The following IFT56 variants were observed in gnomAD, a reference collection of about 807,000 sequenced individuals.
The protein encoded by IFT56 is intraflagellar transport protein 56.
the IFT56 span, among the ~76,000 whole-genome samples, chr7:139,171,869 A>G: frequency 4.6e-5 from 7 of 152,234 alleles, no homozygotes; most frequent in Admixed American, 2.6e-4. Context: ...AACATTTTAC[A>G]GAAAGGTAGC....
chr7:139,173,772 C>T, the IFT56 span: 1 of 755,358 alleles, frequency 1.3e-6, no homozygotes, highest in Non-Finnish European at 2.5e-6. Flanking sequence ...GTTGGTCTGG[C>T]ATGAAAGTTT....
chr7:139,165,849 T>C, the IFT56 span, among the ~76,000 whole-genome samples: 1 of 152,172 alleles, frequency 6.6e-6, no homozygotes, highest in Non-Finnish European at 1.5e-5. Context: ...CCTTCTTAGG[T>C]GCATGGCAGA....
chr7:139,182,187 C>T, the IFT56 span, among the ~76,000 whole-genome samples: 933 of 151,958 alleles, frequency 6.1e-3, 12 homozygotes, highest in African/African-American at 0.022. Context: ...TTAAAATCAG[C>T]CTCAAATTCT....
chr7:139,166,351 T>G, the IFT56 span, among the ~76,000 whole-genome samples: 1 of 152,052 alleles, frequency 6.6e-6, no homozygotes, highest in South Asian at 2.1e-4. Context: ...TATGGAAAAT[T>G]TCAAACATAG....
the IFT56 span, among the ~76,000 whole-genome samples, chr7:139,170,491 A>G: frequency 3.3e-5 from 5 of 152,250 alleles, no homozygotes; most frequent in Non-Finnish European, 5.9e-5. Flanking sequence ...ACAACACATT[A>G]AAAAGATCAT....
At chr7:139,158,516 G>A in the IFT56 span, among the ~76,000 whole-genome samples, 1 of 152,052 alleles carries the variant, frequency 6.6e-6, no homozygotes, top group African/African-American at 2.4e-5. Flanking sequence ...GTTTTATAAG[G>A]ATCAGATGTT....
chr7:139,185,268 A>T, the IFT56 span, among the ~76,000 whole-genome samples: 2 of 151,898 alleles, frequency 1.3e-5, no homozygotes, highest in African/African-American at 4.9e-5. Context: ...TACACATAGG[A>T]TGAAATAACA....
At chr7:139,157,394 G>T in the IFT56 span, among the ~76,000 whole-genome samples, 5 of 151,496 alleles carry the variant, frequency 3.3e-5, no homozygotes, top group South Asian at 1.0e-3. Context: ...TGATCCACCT[G>T]CCTGGGCCTC....
the IFT56 span, chr7:139,168,397 A>G: frequency 6.2e-7 from 1 of 1,610,830 alleles, no homozygotes; most frequent in Non-Finnish European, 8.5e-7. Flanking sequence ...AAATGGGTTC[A>G]GTGAGTATGA....
the IFT56 span, among the ~76,000 whole-genome samples, chr7:139,160,623 G>T: frequency 6.6e-6 from 1 of 151,960 alleles, no homozygotes; most frequent in Non-Finnish European, 1.5e-5. Context: ...GTAGAAACAG[G>T]GTTTCACCAC....
At chr7:139,169,444 C>A in the IFT56 span, 1 of 1,137,962 alleles carries the variant, frequency 8.8e-7, no homozygotes, top group Non-Finnish European at 1.3e-6. Context: ...AGGGATGTAT[C>A]TATTAGGCTT....
At chr7:139,162,958 C>CAA in the IFT56 span, among the ~76,000 whole-genome samples, 2 of 91,066 alleles carry the variant, frequency 2.2e-5, no homozygotes, top group Non-Finnish European at 2.3e-5. Context: ...GACTCCATCT[C>CAA]AAAAAAAAAA....
chr7:139,139,461 G>C, the IFT56 span, among the ~76,000 whole-genome samples: 88 of 152,158 alleles, frequency 5.8e-4, 1 homozygote, highest in Admixed American at 2.6e-3. Context: ...AAATCTGAAG[G>C]CTCCCTCAAT....
At chr7:139,145,622 C>T in the IFT56 span, among the ~76,000 whole-genome samples, 3 of 152,066 alleles carry the variant, frequency 2.0e-5, no homozygotes, top group Non-Finnish European at 4.4e-5. Context: ...TACCATGTTG[C>T]CCAGGCTGGT....
At chr7:139,156,753 G>A in the IFT56 span, among the ~76,000 whole-genome samples, 7 of 151,746 alleles carry the variant, frequency 4.6e-5, no homozygotes, top group African/African-American at 1.2e-4. Context: ...CTACTATTCC[G>A]CCACCTTTGG....
chr7:139,188,828 A>T, the IFT56 span, among the ~76,000 whole-genome samples: 1 of 152,174 alleles, frequency 6.6e-6, no homozygotes, highest in Non-Finnish European at 1.5e-5. Flanking sequence ...TTCTTGAAAA[A>T]ATCCCTTATT....
the IFT56 span, chr7:139,146,904 G>C: frequency 9.3e-7 from 1 of 1,078,494 alleles, no homozygotes; most frequent in Non-Finnish European, 1.3e-6. Context: ...GGGTCAAATA[G>C]TATTAACTGT....
chr7:139,181,210 T>C, the IFT56 span: 16 of 1,580,414 alleles, frequency 1.0e-5, no homozygotes, highest in Non-Finnish European at 1.4e-5. Context: ...TGAGTCTGAC[T>C]GAGACTAAAG....
At chr7:139,170,930 T>A in the IFT56 span, among the ~76,000 whole-genome samples, 63 of 152,322 alleles carry the variant, frequency 4.1e-4, no homozygotes, top group East Asian at 0.012. Context: ...GCAGATGATA[T>A]GATCTTATAT....
Sources: gnomAD v4.1 joint callset for allele counts (sites outside exome capture counted in the v4.1 genomes callset) on GRCh38, gnomAD v4.1.1 for gene constraint, MANE v1.5 for transcripts, NCBI Gene and HGNC (gene_info 2026-07-23, HGNC 2026-07-21) for gene names.